The following ESCO2 variants were observed in gnomAD, a reference collection of about 807,000 sequenced individuals.
ESCO2 encodes the protein establishment of sister chromatid cohesion N-acetyltransferase 2, also known as N-acetyltransferase ESCO2.
A neutral mutation model predicts 61.7 loss-of-function variants in ESCO2; 51 were observed. That is an observed-to-expected ratio of 0.83 (90% CI 0.66 to 1.04). The LOEUF is 1.04. Among genes scored for constraint, ESCO2 ranks in the 50% least tolerant of loss-of-function variants. The probability of loss-of-function intolerance (pLI) is 0.00; values close to 1 mark genes in which losing one functional copy is unlikely to be tolerated. For missense variants in ESCO2, 692 were observed against 686.2 expected (o/e 1.01, Z -0.09); for synonymous variants, 230 against 238.2 (o/e 0.97, Z 0.32).
chr8:27,777,151 TAAAG>T lies in ESCO2; in HGVS notation c.845_848del (p.Lys282ArgfsTer3), dbSNP rs761404241. On this transcript the variant is annotated frameshift_variant, in exon 3 of 11. Transcript: ENST00000305188. LOFTEE classifies it high-confidence loss of function. ...GACTACTGAGTGCAAGCAGTAAAAA[TAAAG>T]AGAAATTAATAAAGGTAAAGCTAAA... 1.2e-6 allele frequency: 2 copies of T among 1,600,834 alleles called. No homozygotes were observed. Among genetic ancestry groups the T allele is most frequent in the South Asian group, 1.1e-5 (1 of 87,460 alleles).
At chr8:27,813,584 T>A (rs1805745088), downstream of ESCO2, among the ~76,000 whole-genome samples, 1 of 147,580 alleles carries the variant, frequency 6.8e-6, no homozygotes, top group African/African-American at 2.6e-5. Context: ...ATAGCCACAG[T>A]CAAGCTAATT....
chr8:27,797,552 C>T (rs1316076067), intron 9 of ESCO2, among the ~76,000 whole-genome samples: 1 of 152,062 alleles, frequency 6.6e-6, no homozygotes, highest in African/African-American at 2.4e-5. Context: ...TCTATTTACA[C>T]TTAAAGTAAT....
intron 7 of ESCO2, 122 bp downstream of exon 7, chr8:27,789,100 C>T: frequency 8.1e-7 from 1 of 1,227,470 alleles, no homozygotes; most frequent in Non-Finnish European, 1.2e-6. Flanking sequence ...TTCAAGCTTA[C>T]TATCTCAATT....
Position 27,787,892 on chromosome 8 carries a change from G to A in ESCO2, c.1021G>A (p.Gly341Ser). 6.2e-7 allele frequency: 1 copy of A among 1,611,420 alleles called. No individual in the cohort carries two copies. Among genetic ancestry groups the A allele is most frequent in the Non-Finnish European group, 8.5e-7 (1 of 1,177,950 alleles). Reference sequence around the variant, plus strand: ...TCAACTTTCTGTGTCAAGATCTTTAGGTGAAGAACAGTTTTCTGTGGGATC... The same window carrying A: ...TCAACTTTCTGTGTCAAGATCTTTAAGTGAAGAACAGTTTTCTGTGGGATC... ...ASSVNSKRSL[G>S]EEQFSVGSVN... is the part of the protein sequence containing the mutation. The change falls in exon 6 of 11, where the codon GGT becomes AGT. Residue 341 changes from glycine (G) to serine (S), a missense_variant. By Grantham distance (56) the Gly-to-Ser change is moderately conservative (BLOSUM62 0). Transcript: ENST00000305188.
downstream of ESCO2, among the ~76,000 whole-genome samples, chr8:27,816,398 A>G (rs1257736041): frequency 7.2e-6 from 1 of 139,140 alleles, no homozygotes; most frequent in African/African-American, 2.8e-5. Flanking sequence ...TTTTTTTTTG[A>G]GATGGAATCT....
intron 9 of ESCO2, among the ~76,000 whole-genome samples, chr8:27,795,800 G>GT (rs550775129): frequency 9.4e-4 from 143 of 152,256 alleles, no homozygotes; most frequent in Non-Finnish European, 1.7e-3. Context: ...ACACATTGAT[G>GT]TGCATGTATT....
chr8:27,808,888 G>GA (rs1437220133), downstream of ESCO2, among the ~76,000 whole-genome samples: 33 of 152,292 alleles, frequency 2.2e-4, no homozygotes, highest in Middle Eastern at 6.8e-3. Flanking sequence ...GGCAGTGCAT[G>GA]CTGGGATTAT....
At chr8:27,772,864 A>AT (rs1804685018), upstream of ESCO2, among the ~76,000 whole-genome samples, 1 of 152,112 alleles carries the variant, frequency 6.6e-6, no homozygotes, top group South Asian at 2.1e-4. Context: ...CTCACAGGAT[A>AT]TTTTTTAGGG....
intron 9 of ESCO2, among the ~76,000 whole-genome samples, chr8:27,798,713 C>T (rs540280734): frequency 6.6e-6 from 1 of 152,230 alleles, no homozygotes; most frequent in Non-Finnish European, 1.5e-5. Flanking sequence ...AGAATTGATA[C>T]ACTTAACAAC....
chr8:27,778,273 A>T (rs1301870944), intron 3 of ESCO2: 2 of 152,114 alleles, frequency 1.3e-5, no homozygotes, highest in African/African-American at 4.8e-5. Flanking sequence ...CATTTTACTT[A>T]CTGCTGCCCT....
Position 27,776,406 on chromosome 8 carries a change from A to T in ESCO2, c.98A>T (p.Lys33Met), listed in dbSNP as rs1804789957. 2 of 1,607,900 alleles carry T rather than the reference A, an allele frequency of 1.2e-6. No individual in the cohort carries two copies. Among genetic ancestry groups the T allele is most frequent in the Non-Finnish European group, 1.7e-6 (2 of 1,177,764 alleles). The change falls in exon 3 of 11, where the codon AAG becomes ATG. Residue 33 changes from lysine (K) to methionine (M), a missense_variant. Lys to Met is a moderately conservative substitution (Grantham distance 95, BLOSUM62 -1). Transcript: ENST00000305188. The part of the protein sequence containing the change: ...TENLFPSPNK[K>M]HCFYQNSDKN... ...AATCTGTTTCCATCACCTAATAAAAAGCACTGTTTTTATCAAAACAGTGAT... is the reference window on the plus strand; with the variant it reads ...AATCTGTTTCCATCACCTAATAAAATGCACTGTTTTTATCAAAACAGTGAT...
chr8:27,810,954 A>C (rs1221870003), downstream of ESCO2: 1 of 1,532,608 alleles, frequency 6.5e-7, no homozygotes, highest in Admixed American at 1.7e-5. Flanking sequence ...AATTGTATTC[A>C]TACCTTCATC....
At position 27,776,727 on chromosome 8, in the gene ESCO2, C is replaced by G. The variant is rs2128951160; in HGVS notation, c.419C>G (p.Pro140Arg). 6.2e-7 allele frequency: 1 copy of G among 1,613,718 alleles called. No individual in the cohort carries two copies. Among genetic ancestry groups the G allele is most frequent in the Non-Finnish European group, 8.5e-7 (1 of 1,179,976 alleles). Residue 140 changes from proline (P) to arginine (R), a missense_variant, in exon 3 of 11, where the codon CCA becomes CGA. Transcript: ENST00000305188. ...PVCSKKNNKK[P>R]QKSLTAKYQP... ...TGCTCCAAGAAGAACAACAAAAAAC[C>G]ACAGAAGAGTTTAACTGCTAAGTAT...
At chr8:27,811,283 A>C (rs115173552), downstream of ESCO2, 38 of 665,894 alleles carry the variant, frequency 5.7e-5, 1 homozygote, top group African/African-American at 6.6e-4. Flanking sequence ...AACCTCAATA[A>C]GGATTACTTT....
upstream of ESCO2, among the ~76,000 whole-genome samples, chr8:27,773,493 C>A (rs1345675857): frequency 1.3e-5 from 2 of 151,448 alleles, no homozygotes; most frequent in African/African-American, 4.9e-5. Flanking sequence ...GGGTTGGAAT[C>A]TTCTGGGCAG....
chr8:27,776,883 C>G lies in ESCO2; in HGVS notation c.575C>G (p.Pro192Arg), dbSNP rs1288885484. 2 of 1,613,946 alleles carry G rather than the reference C, an allele frequency of 1.2e-6. No homozygotes were observed. Among genetic ancestry groups the G allele is most frequent in the Non-Finnish European group, 1.7e-6 (2 of 1,180,026 alleles). The change falls in exon 3 of 11, where the codon CCT becomes CGT. Residue 192 changes from proline (P) to arginine (R), a missense_variant. Transcript: ENST00000305188. ...TCAGCTGAAAATAATTCCAATGCTCCTCGGGTTCTGAGCCAAAAAATAAAA... is the reference window on the plus strand; with the variant it reads ...TCAGCTGAAAATAATTCCAATGCTCGTCGGGTTCTGAGCCAAAAAATAAAA... Reference protein sequence around the residue: ...CHSAENNSNAPRVLSQKIKPQ... With the variant: ...CHSAENNSNARRVLSQKIKPQ...
upstream of ESCO2, chr8:27,773,632 G>A (rs1000004034): frequency 2.0e-5 from 3 of 151,960 alleles, no homozygotes; most frequent in East Asian, 3.9e-4. Flanking sequence ...GTCACTTAAC[G>A]AAATTTATTT....
downstream of ESCO2, chr8:27,808,186 A>G: frequency 8.4e-7 from 1 of 1,186,652 alleles, no homozygotes; most frequent in Non-Finnish European, 1.1e-6. Context: ...TTTTATTCTA[A>G]TCAACAGATT....
upstream of ESCO2, chr8:27,773,814 G>A (rs1804713384): frequency 6.6e-6 from 1 of 152,212 alleles, no homozygotes; most frequent in Non-Finnish European, 1.5e-5. Context: ...TGTACCAGGA[G>A]CTGGTGACAC....
Sources: allele counts gnomAD v4.1 joint callset (sites outside exome capture counted in the v4.1 genomes callset), GRCh38; gene constraint gnomAD v4.1.1; transcripts MANE v1.5; gene names NCBI Gene and HGNC (gene_info 2026-07-23, HGNC 2026-07-21).